The following DLG2 variants were observed in gnomAD, a reference collection of about 807,000 sequenced individuals.
DLG2 encodes disks large homolog 2.
In DLG2, 45 loss-of-function variants were observed where a neutral mutation model predicts 132.5. The ratio of observed to expected loss-of-function variants is 0.34; its 90% confidence interval spans 0.27 to 0.44. The LOEUF (loss-of-function observed/expected upper bound fraction) is 0.44. DLG2 is among the 20% of genes least tolerant of loss of function. The probability of loss-of-function intolerance (pLI) is 1.00; values close to 1 mark genes in which losing one functional copy is unlikely to be tolerated. For synonymous variants in DLG2, 424 were observed against 419.6 expected (o/e 1.01, Z -0.13); for missense variants, 1,045 against 1,196.9 (o/e 0.87, Z 1.87).
intron 19 of DLG2, among the ~76,000 whole-genome samples, chr11:83,625,133 C>A (rs1230963086): frequency 6.6e-6 from 1 of 152,100 alleles, no homozygotes; most frequent in Non-Finnish European, 1.5e-5. Flanking sequence ...GTCAGCTAGC[C>A]CTGTGCCAAG....
At chr11:85,065,112 A>C (rs1566771984) in intron 6 of DLG2, among the ~76,000 whole-genome samples, 1 of 151,512 alleles carries the variant, frequency 6.6e-6, no homozygotes, top group Non-Finnish European at 1.5e-5. Context: ...GGAGTAGATA[A>C]TAAAAAATGG....
intron 6 of DLG2, among the ~76,000 whole-genome samples, chr11:84,928,982 G>GTGTGTGTGTGTATATATATATATA (rs1400906684): frequency 2.0e-5 from 1 of 49,130 alleles, no homozygotes; most frequent in Non-Finnish European, 3.6e-5. Context: ...GTGTGTGTGT[G>GTGTGTGTGTGTATATATATATATA]TATATATATA....
intron 6 of DLG2, among the ~76,000 whole-genome samples, chr11:84,642,064 G>T (rs566738322): frequency 8.3e-6 from 1 of 120,584 alleles, no homozygotes; most frequent in Admixed American, 7.4e-5. Flanking sequence ...ATATACGCAC[G>T]CGTGTGTGTG....
chr11:85,529,672 C>T (rs947691326), intron 3 of DLG2, among the ~76,000 whole-genome samples: 1 of 152,104 alleles, frequency 6.6e-6, no homozygotes, highest in Admixed American at 6.5e-5. Context: ...CTTTCCATTT[C>T]TATATTAAAG....
intron 7 of DLG2, among the ~76,000 whole-genome samples, chr11:84,482,728 G>C (rs2099141022): frequency 6.6e-6 from 1 of 152,154 alleles, no homozygotes; most frequent in Non-Finnish European, 1.5e-5. Context: ...TTTCCCCAAA[G>C]ATGAAGTCCT....
intron 3 of DLG2, among the ~76,000 whole-genome samples, chr11:85,533,229 G>A (rs1456275097): frequency 2.6e-5 from 4 of 151,898 alleles, no homozygotes; most frequent in African/African-American, 7.3e-5. Context: ...TCACCATGTT[G>A]GCCAGGCTAG....
intron 16 of DLG2, among the ~76,000 whole-genome samples, chr11:83,872,501 T>C (rs1248450951): frequency 1.3e-5 from 2 of 152,212 alleles, no homozygotes; most frequent in East Asian, 3.9e-4. Flanking sequence ...ATGAAGTTTA[T>C]ACAGTTTGCT....
intron 18 of DLG2, among the ~76,000 whole-genome samples, chr11:83,682,831 A>G (rs1029036433): frequency 6.6e-6 from 1 of 152,128 alleles, no homozygotes; most frequent in Admixed American, 6.6e-5. Flanking sequence ...GAATTTATGG[A>G]ATGCAAGGAG....
chr11:83,720,545 G>C (rs1168156872), intron 18 of DLG2, among the ~76,000 whole-genome samples: 2 of 151,908 alleles, frequency 1.3e-5, no homozygotes, highest in Non-Finnish European at 2.9e-5. Context: ...AAAGTAACTT[G>C]GGAAAGCTCA....
intron 7 of DLG2, among the ~76,000 whole-genome samples, chr11:84,266,890 AT>A (rs766746762): frequency 2.0e-5 from 3 of 152,224 alleles, no homozygotes; most frequent in Non-Finnish European, 4.4e-5. Flanking sequence ...CTTAGGAAAC[AT>A]AATATTTAAG....
chr11:83,483,565 G>T (rs1368801952), intron 22 of DLG2, among the ~76,000 whole-genome samples: 1 of 152,090 alleles, frequency 6.6e-6, no homozygotes, highest in African/African-American at 2.4e-5. Context: ...CCAATTTTTT[G>T]ACCATGGTCA....
intron 6 of DLG2, among the ~76,000 whole-genome samples, chr11:84,710,684 G>C (rs2153766418): frequency 6.6e-6 from 1 of 151,698 alleles, no homozygotes; most frequent in Non-Finnish European, 1.5e-5. Flanking sequence ...ACTGTTTTTA[G>C]TGTGCTCATT....
intron 19 of DLG2, among the ~76,000 whole-genome samples, 195 bp from the exon 20 acceptor site, chr11:83,542,053 G>A (rs1293614132): frequency 7.4e-6 from 1 of 134,860 alleles, no homozygotes; most frequent in Non-Finnish European, 1.6e-5. Context: ...GCTTCTTCTT[G>A]GAGGTTACAG....
chr11:84,040,799 A>T (rs577011236), intron 11 of DLG2, among the ~76,000 whole-genome samples: 1 of 151,566 alleles, frequency 6.6e-6, no homozygotes, highest in South Asian at 2.1e-4. Flanking sequence ...TGAATCTGTA[A>T]ATTACCTTGG....
intron 6 of DLG2, among the ~76,000 whole-genome samples, chr11:84,984,324 A>G (rs2056184280): frequency 6.6e-6 from 1 of 152,204 alleles, no homozygotes; most frequent in Non-Finnish European, 1.5e-5. Context: ...GGGACTCTAT[A>G]TTCAGCCTCC....
chr11:84,132,715 A>G (rs535115520), intron 9 of DLG2, among the ~76,000 whole-genome samples: 1 of 152,140 alleles, frequency 6.6e-6, no homozygotes, highest in South Asian at 2.1e-4. Context: ...GCAAATAGGA[A>G]TAAAATAGCC....
At chr11:85,417,126 CT>C (rs1236608762) in intron 3 of DLG2, among the ~76,000 whole-genome samples, 1 of 152,036 alleles carries the variant, frequency 6.6e-6, no homozygotes, top group African/African-American at 2.4e-5. Context: ...CATCAATACC[CT>C]TGTTTATTGA....
intron 17 of DLG2, among the ~76,000 whole-genome samples, chr11:83,833,394 T>C (rs2154002438): frequency 6.6e-6 from 1 of 152,280 alleles, no homozygotes; most frequent in South Asian, 2.1e-4. Flanking sequence ...GCTGAGATCC[T>C]GCCACTGCAC....
chr11:84,187,305 A>T (rs1470141430), intron 8 of DLG2, among the ~76,000 whole-genome samples: 3 of 151,948 alleles, frequency 2.0e-5, no homozygotes, highest in Non-Finnish European at 4.4e-5. Context: ...GACTTACAAA[A>T]GAAGGTAAAT....
Sources: gnomAD v4.1 joint callset for allele counts (sites outside exome capture counted in the v4.1 genomes callset) on GRCh38, gnomAD v4.1.1 for gene constraint, MANE v1.5 for transcripts, NCBI Gene and HGNC (gene_info 2026-07-23, HGNC 2026-07-21) for gene names.